Variants in TPO observed in about 807,000 individuals in gnomAD.
TPO encodes the protein thyroid peroxidase.
Under a neutral mutation model 96.9 loss-of-function variants are expected in TPO, and 78 were observed. That is an observed-to-expected ratio of 0.81 (90% CI 0.67 to 0.97). TPO has a LOEUF of 0.97. Among genes scored for constraint, TPO ranks in the 50% least tolerant of loss-of-function variants. The probability of loss-of-function intolerance (pLI) is 0.00; values close to 1 mark genes in which losing one functional copy is unlikely to be tolerated. For missense variants in TPO, 1,252 were observed against 1,274.8 expected (o/e 0.98, Z 0.27); for synonymous variants, 547 against 538.0 (o/e 1.02, Z -0.23).
chr2:1,500,778 A>AAG (rs1218597079), intron 13 of TPO, among the ~76,000 whole-genome samples: 1 of 152,150 alleles, frequency 6.6e-6, no homozygotes, highest in Non-Finnish European at 1.5e-5. Flanking sequence ...CAGCCTGGCC[A>AAG]AGATGGTGAA....
chr2:1,502,881 T>C (rs1673014154), intron 13 of TPO, among the ~76,000 whole-genome samples: 1 of 152,028 alleles, frequency 6.6e-6, no homozygotes, highest in Non-Finnish European at 1.5e-5. Flanking sequence ...GGGCCAAGCC[T>C]CCCCCGGGGT....
At chr2:1,534,411 CG>C (rs373797862) in intron 15 of TPO, among the ~76,000 whole-genome samples, 14,098 of 36,254 alleles carry the variant, frequency 0.39, 3,089 homozygotes, top group Middle Eastern at 0.5. Context: ...TCCCCAAATC[CG>C]CCCCCACCCT....
chr2:1,489,712 A>G (rs1415816550), intron 10 of TPO, among the ~76,000 whole-genome samples: 1 of 152,202 alleles, frequency 6.6e-6, no homozygotes, highest in Non-Finnish European at 1.5e-5. Context: ...TGACAAGGAC[A>G]GAAGGGCCTA....
At chr2:1,528,572 C>T (rs1293446583) in intron 15 of TPO, among the ~76,000 whole-genome samples, 2 of 133,728 alleles carry the variant, frequency 1.5e-5, no homozygotes, top group Admixed American at 7.5e-5. Flanking sequence ...CTCCCCAAAT[C>T]GCCCCACTCT....
intron 2 of TPO, among the ~76,000 whole-genome samples, chr2:1,414,799 A>G (rs576627239): frequency 6.6e-6 from 1 of 152,368 alleles, no homozygotes; most frequent in East Asian, 1.9e-4. Flanking sequence ...CCTTTGCTAC[A>G]GAATTATTTT....
intron 8 of TPO, among the ~76,000 whole-genome samples, chr2:1,482,269 G>A (rs1028848708): frequency 6.6e-5 from 10 of 152,152 alleles, no homozygotes; most frequent in Non-Finnish European, 1.3e-4. Flanking sequence ...TCACCTTCAC[G>A]CCCATCATTT....
chr2:1,478,978 G>A (rs114988648), intron 8 of TPO, among the ~76,000 whole-genome samples: 101 of 152,038 alleles, frequency 6.6e-4, no homozygotes, highest in African/African-American at 2.1e-3. Flanking sequence ...TCAGCCGGAC[G>A]GAGGAGGCTT....
At chr2:1,512,538 G>A (rs1409983345) in intron 14 of TPO, 8 of 958,706 alleles carry the variant, frequency 8.3e-6, no homozygotes, top group African/African-American at 1.8e-5. Context: ...GCCCCGCTCC[G>A]CCCCTGCTGG....
intron 8 of TPO, chr2:1,478,199 GGA>G: frequency 1.0e-6 from 1 of 985,446 alleles, no homozygotes; most frequent in East Asian, 1.1e-4. Context: ...GGTCTTGAAT[GGA>G]GAGTCAAGTT....
At chr2:1,540,427 T>TA (rs200387306) in intron 15 of TPO, among the ~76,000 whole-genome samples, 167 bp from the exon 16 acceptor site, 1 of 151,162 alleles carries the variant, frequency 6.6e-6, no homozygotes, top group Admixed American at 6.6e-5. Flanking sequence ...TTTTCCAAAA[T>TA]ATATCAGATT....
At chr2:1,377,020 G>T (rs1661732993) in intron 1 of TPO, among the ~76,000 whole-genome samples, 1 of 152,288 alleles carries the variant, frequency 6.6e-6, no homozygotes, top group African/African-American at 2.4e-5. Flanking sequence ...CTAGGGAAAA[G>T]GATGTATATT....
At chr2:1,501,583 G>C (rs1327018172) in intron 13 of TPO, among the ~76,000 whole-genome samples, 1 of 152,234 alleles carries the variant, frequency 6.6e-6, no homozygotes, top group Non-Finnish European at 1.5e-5. Context: ...CATGTGGCCT[G>C]ATGAAGAAGC....
At chr2:1,414,227 C>T (rs1370459738) in intron 1 of TPO, among the ~76,000 whole-genome samples, 181 bp from the exon 2 acceptor site, 3 of 152,154 alleles carry the variant, frequency 2.0e-5, no homozygotes, top group Admixed American at 2.0e-4. Context: ...GTTTCTGTAA[C>T]CTCCTGACAT....
intron 15 of TPO, among the ~76,000 whole-genome samples, chr2:1,535,237 A>T (rs1679330498): frequency 2.7e-5 from 3 of 110,642 alleles, no homozygotes; most frequent in African/African-American, 6.6e-5. Flanking sequence ...AACCTCCCCA[A>T]ATCCACCCCA....
chr2:1,536,955 CCCCCTGTGTGCAACCCCCCAATCT>C (rs1231622970), intron 15 of TPO, among the ~76,000 whole-genome samples: 49 of 89,678 alleles, frequency 5.5e-4, no homozygotes, highest in South Asian at 1.6e-3. Flanking sequence ...CCTCTCAAAT[CCCCCTGTGTGCAACCCCCCAATCT>C]CCCCCACTGT....
At chr2:1,407,053 C>G (rs1662259089) in intron 1 of TPO, among the ~76,000 whole-genome samples, 1 of 152,106 alleles carries the variant, frequency 6.6e-6, no homozygotes, top group South Asian at 2.1e-4. Context: ...GGAAGGTGAG[C>G]AATGTAAGTA....
chr2:1,522,327 G>T (rs1675388561), intron 15 of TPO, among the ~76,000 whole-genome samples: 1 of 40,180 alleles, frequency 2.5e-5, no homozygotes, highest in South Asian at 1.1e-3. Flanking sequence ...CCCCACACCT[G>T]CCTGCCACCG....
chr2:1,436,890 G>T (rs1665629121), intron 5 of TPO, among the ~76,000 whole-genome samples: 1 of 152,298 alleles, frequency 6.6e-6, no homozygotes, highest in East Asian at 1.9e-4. Context: ...CACGCTCCCT[G>T]TTATGGCCAA....
chr2:1,534,523 TCCCACTCTGTGCAACCTCCCC>T (rs1679098207), intron 15 of TPO, among the ~76,000 whole-genome samples: 1 of 14,058 alleles, frequency 7.1e-5, no homozygotes, highest in Non-Finnish European at 1.5e-4. Context: ...CCCAAATCCC[TCCCACTCTGTGCAACCTCCCC>T]AAATCCCTAC....
Sources: allele counts gnomAD v4.1 joint callset (sites outside exome capture counted in the v4.1 genomes callset), GRCh38; gene constraint gnomAD v4.1.1; transcripts MANE v1.5; gene names NCBI Gene and HGNC (gene_info 2026-07-23, HGNC 2026-07-21).